Variants in EPC2 observed in about 807,000 individuals in gnomAD.
The protein encoded by EPC2 is enhancer of polycomb 2.
A neutral mutation model predicts 92.1 loss-of-function variants in EPC2; 14 were observed. That is an observed-to-expected ratio of 0.15 (90% CI 0.10 to 0.24). EPC2 has a LOEUF of 0.24. EPC2 is among the 10% of genes least tolerant of loss of function. The pLI is 1.00. For missense variants in EPC2, 755 were observed against 971.5 expected (o/e 0.78, Z 2.96); for synonymous variants, 340 against 334.7 (o/e 1.02, Z -0.17).
intron 1 of EPC2, among the ~76,000 whole-genome samples, chr2:148,648,440 A>T (rs1228844955): frequency 6.6e-6 from 1 of 152,236 alleles, no homozygotes; most frequent in Non-Finnish European, 1.5e-5. Context: ...CTTGAATTGC[A>T]TTTTAAGTAA....
intron 2 of EPC2, among the ~76,000 whole-genome samples, chr2:148,738,369 G>A (rs971753258): frequency 6.6e-6 from 1 of 152,104 alleles, no homozygotes; most frequent in Non-Finnish European, 1.5e-5. Context: ...GAGAGTCTAG[G>A]GACAGACACA....
chr2:148,774,101 A>G (rs976039131), intron 10 of EPC2, among the ~76,000 whole-genome samples: 5 of 152,202 alleles, frequency 3.3e-5, no homozygotes, highest in Non-Finnish European at 7.3e-5. Flanking sequence ...ACAGATTATT[A>G]GTACTGAATT....
At position 148,646,087 on chromosome 2, in the gene EPC2, C is replaced by A. The variant is rs914967506; in HGVS notation, c.153+917C>A. On this transcript the variant is annotated intron_variant, in intron 1 of 13. Coordinates refer to ENST00000258484, the MANE Select transcript of EPC2 (RefSeq NM_015630.4). ...GGCTTGACAGAGAGTGTTTATGACT[C>A]GAGTGGTGTTACTTGCGTGCGAAGT... Among the ~76,000 whole-genome samples, 16 of 152,250 alleles carry A rather than the reference C, an allele frequency of 1.1e-4. No individual in the cohort carries two copies. In the East Asian group the frequency reaches 2.9e-3, roughly 28 times the overall value.
chr2:148,775,782 T>C (rs1451793557), intron 10 of EPC2, among the ~76,000 whole-genome samples: 12 of 133,454 alleles, frequency 9.0e-5, no homozygotes, highest in Non-Finnish European at 4.8e-5. Context: ...TTTCTTTTTT[T>C]TTTTTTTTTT....
intron 1 of EPC2, among the ~76,000 whole-genome samples, chr2:148,682,938 C>T (rs1184491969): frequency 2.6e-5 from 4 of 152,128 alleles, no homozygotes; most frequent in Non-Finnish European, 5.9e-5. Flanking sequence ...TCTCTTTTGG[C>T]AAAATCCATA....
chr2:148,662,865 C>T (rs919260855), intron 1 of EPC2, among the ~76,000 whole-genome samples: 12 of 151,818 alleles, frequency 7.9e-5, no homozygotes, highest in Admixed American at 7.9e-4. Flanking sequence ...ATTTGCTTTC[C>T]TGCAAAAGGA....
At chr2:148,768,831 A>G (rs1251592631) in intron 7 of EPC2, among the ~76,000 whole-genome samples, 4 of 152,244 alleles carry the variant, frequency 2.6e-5, no homozygotes, top group African/African-American at 9.6e-5. Flanking sequence ...AAATATTTAT[A>G]GCCACATACA....
chr2:148,762,057 T>A, intron 5 of EPC2, 127 bp downstream of exon 5: 1 of 757,078 alleles, frequency 1.3e-6, no homozygotes, highest in Non-Finnish European at 2.0e-6. Context: ...TGTAAGAATT[T>A]ATATTTTTTA....
intron 1 of EPC2, among the ~76,000 whole-genome samples, chr2:148,678,068 A>C (rs992508424): frequency 6.6e-6 from 1 of 152,102 alleles, no homozygotes; most frequent in Non-Finnish European, 1.5e-5. Flanking sequence ...TGATTGGTAG[A>C]GCTGAGTGGT....
chr2:148,651,951 T>C lies in EPC2; in HGVS notation c.153+6781T>C, dbSNP rs1179428111. Among the ~76,000 whole-genome samples, 6 of 152,198 alleles carry C rather than the reference T, an allele frequency of 3.9e-5. No homozygotes were observed. The East Asian group carries it at 1.2e-3, about 29-fold the overall frequency. On this transcript the variant is annotated intron_variant, in intron 1 of 13. Coordinates refer to ENST00000258484, the MANE Select transcript of EPC2 (RefSeq NM_015630.4). ...AGAATTTGCACTCAGGCTGATTGAC[T>C]CTGGGGCTCTTGCTTCACCGTTGTA... is the stretch of plus-strand genomic sequence containing the variant.
intron 1 of EPC2, among the ~76,000 whole-genome samples, chr2:148,680,804 G>T (rs934567426): frequency 4.6e-5 from 7 of 152,230 alleles, no homozygotes; most frequent in Non-Finnish European, 8.8e-5. Flanking sequence ...GAGAAGATAT[G>T]TGTGAACTCA....
intron 8 of EPC2, among the ~76,000 whole-genome samples, chr2:148,770,062 T>C (rs1480670426): frequency 3.9e-5 from 6 of 152,196 alleles, no homozygotes; most frequent in Non-Finnish European, 8.8e-5. Context: ...TTATTTCTTT[T>C]AGAGACAGGG....
At chr2:148,756,185 C>T (rs1683186929) in intron 4 of EPC2, among the ~76,000 whole-genome samples, 1 of 152,172 alleles carries the variant, frequency 6.6e-6, no homozygotes, top group Non-Finnish European at 1.5e-5. Context: ...TCCTGACACT[C>T]TGATTCCTAC....
At chr2:148,722,175 T>G (rs1682393117) in intron 2 of EPC2, among the ~76,000 whole-genome samples, 1 of 152,076 alleles carries the variant, frequency 6.6e-6, no homozygotes, top group Non-Finnish European at 1.5e-5. Flanking sequence ...TGGGGTGAGA[T>G]TTGATAGTTT....
chr2:148,660,669 C>T (rs1199701691), intron 1 of EPC2, among the ~76,000 whole-genome samples: 1 of 151,332 alleles, frequency 6.6e-6, no homozygotes, highest in Non-Finnish European at 1.5e-5. Flanking sequence ...TCATTTTTTC[C>T]TTAGAACTTT....
chr2:148,746,226 C>G (rs116534650), intron 3 of EPC2, among the ~76,000 whole-genome samples: 1 of 152,130 alleles, frequency 6.6e-6, no homozygotes, highest in African/African-American at 2.4e-5. Context: ...GCCTTGACCT[C>G]TTTCTCAAAC....
chr2:148,653,724 C>G (rs1680732991), intron 1 of EPC2, among the ~76,000 whole-genome samples: 1 of 151,088 alleles, frequency 6.6e-6, no homozygotes, highest in Non-Finnish European at 1.5e-5. Context: ...TTTAAATGGG[C>G]TAAGGACGTG....
rs534697588 is a variant in EPC2, at chr2:148,647,445, T to C, written c.153+2275T>C. On this transcript the variant is annotated intron_variant, in intron 1 of 13. Coordinates refer to ENST00000258484, the MANE Select transcript of EPC2 (RefSeq NM_015630.4). ...GCCTCAGCCTCCCGAGCAGCTGAGA[T>C]TATAGGCGCCCACTACCTCGCCCAG... Among the ~76,000 whole-genome samples the C allele has an allele frequency of 3.2e-4, 47 of 147,972 alleles. No homozygotes were observed. In the South Asian group the frequency reaches 0.01, roughly 32 times the overall value.
intron 1 of EPC2, among the ~76,000 whole-genome samples, chr2:148,674,464 T>G (rs1681223781): frequency 6.6e-6 from 1 of 152,226 alleles, no homozygotes; most frequent in Non-Finnish European, 1.5e-5. Flanking sequence ...GGAAAAGCCA[T>G]GAACTGGACA....
Sources: gnomAD v4.1 joint callset for allele counts (sites outside exome capture counted in the v4.1 genomes callset) on GRCh38, gnomAD v4.1.1 for gene constraint, MANE v1.5 for transcripts, NCBI Gene and HGNC (gene_info 2026-07-23, HGNC 2026-07-21) for gene names.